The following FAM234B variants were observed in gnomAD, a reference collection of about 807,000 sequenced individuals.
FAM234B encodes the protein family with sequence similarity 234 member B.
A neutral mutation model predicts 69.3 loss-of-function variants in FAM234B; 33 were observed. The observed-to-expected ratio is 0.48, with a 90% CI of 0.36 to 0.64. The LOEUF is 0.64. Ranked by LOEUF, FAM234B falls within the 30% of genes least tolerant of loss-of-function variation. The probability of loss-of-function intolerance (pLI) is 0.00; values close to 1 mark genes in which losing one functional copy is unlikely to be tolerated. For missense variants in FAM234B, 697 were observed against 769.7 expected (o/e 0.91, Z 1.12); for synonymous variants, 306 against 306.9 (o/e 1.00, Z 0.03).
In FAM234B at chr12:13,082,699, T is replaced by C. The variant is rs1865250937; in HGVS notation, c.*2069T>C. The stretch of plus-strand genomic sequence containing the variant: ...TGGTGGTCCTGTGGTTTGGCTGAGC[T>C]GTCCGGGCATAACCTGGTTCTCTGT... On this transcript the variant is annotated 3_prime_UTR_variant, in exon 13 of 13. Coordinates refer to ENST00000197268, the MANE Select transcript of FAM234B (RefSeq NM_020853.2). The C allele has an allele frequency of 6.6e-6, 1 of 152,200 alleles. No individual in the cohort carries two copies. 9.4% of individuals were successfully genotyped at this position (152,200 alleles called of 1,614,324 possible). A position where few individuals can be genotyped will look rare whatever the true frequency, so the allele number is the denominator to read the frequency against.
At chr12:13,075,642 G>T (rs1332259840) in intron 10 of FAM234B, among the ~76,000 whole-genome samples, 1 of 147,668 alleles carries the variant, frequency 6.8e-6, no homozygotes, top group Non-Finnish European at 1.5e-5. Flanking sequence ...TTTCGGTAGG[G>T]ACAGGGTTTC....
At chr12:13,049,125 T>C (rs1190347138) in intron 1 of FAM234B, among the ~76,000 whole-genome samples, 1 of 152,224 alleles carries the variant, frequency 6.6e-6, no homozygotes, top group Admixed American at 6.5e-5. Context: ...TTCCTCATCT[T>C]GAAAGTGAAG....
rs1209377908 is a variant in FAM234B, at chr12:13,081,206, A to G, written c.*576A>G. 1 of 152,246 alleles carries G rather than the reference A, an allele frequency of 6.6e-6. No homozygotes were observed. The highest frequency in any genetic ancestry group is 2.4e-5 in the African/African-American group (1 of 41,458). The allele number at this position is 152,246 out of a possible 1,614,324, so 9.4% of individuals were successfully genotyped here. On this transcript the variant is annotated 3_prime_UTR_variant, in exon 13 of 13. Coordinates refer to ENST00000197268, the MANE Select transcript of FAM234B (RefSeq NM_020853.2). ...CTACTTCCAAATTGTAGACAGAATG[A>G]GAAAGATTTATAGTGGAAGACTGAG... is the stretch of plus-strand genomic sequence containing the variant.
At position 13,080,819 on chromosome 12, in the gene FAM234B, A is replaced by G. The variant is rs981845086; in HGVS notation, c.*189A>G. The stretch of plus-strand genomic sequence containing the variant: ...GCAGCATGATCTATTTGGCTGGGGC[A>G]TCTTACCTACCTTTTCAGTCCCTGC... On this transcript the variant is annotated 3_prime_UTR_variant, in exon 13 of 13. Transcript: ENST00000197268. The G allele has an allele frequency of 2.1e-5, 11 of 525,198 alleles. No homozygotes were observed. Among genetic ancestry groups the G allele is most frequent in the East Asian group, 9.4e-5 (3 of 31,824 alleles). 32.5% of individuals were successfully genotyped at this position (525,198 alleles called of 1,614,324 possible).
chr12:13,076,209 T>A, intron 11 of FAM234B, 66 bp downstream of exon 11: 1 of 1,206,376 alleles, frequency 8.3e-7, no homozygotes, highest in Non-Finnish European at 1.2e-6. Context: ...TGGCTGTGTG[T>A]AATGAGACCA....
Position 13,055,545 on chromosome 12 carries a change from T to G in FAM234B, c.38-6T>G, listed in dbSNP as rs1433935026. 6.3e-7 allele frequency: 1 copy of G among 1,577,164 alleles called. No homozygotes were observed. The highest frequency in any genetic ancestry group is 8.7e-7 in the Non-Finnish European group (1 of 1,155,148). On this transcript the variant is annotated splice_polypyrimidine_tract_variant and splice_region_variant and intron_variant, in intron 1 of 12. Coordinates refer to ENST00000197268, the MANE Select transcript of FAM234B (RefSeq NM_020853.2). The stretch of plus-strand genomic sequence containing the variant: ...CCCTTGACTCTCTGTTTTTCTGTAT[T>G]TTCAGGGAAGAAGAGCCCAGACCTA...
At chr12:13,073,132 A>T (rs114116577) in intron 10 of FAM234B, among the ~76,000 whole-genome samples, 35 of 150,960 alleles carry the variant, frequency 2.3e-4, no homozygotes, top group African/African-American at 8.5e-4. Flanking sequence ...TTTTAAGCAG[A>T]TGTTATCATT....
At position 13,054,636 on chromosome 12, in the gene FAM234B, A is replaced by G. The variant is rs115157128; in HGVS notation, c.38-915A>G. Among the ~76,000 whole-genome samples the G allele has an allele frequency of 6.7e-3, 1,023 of 152,348 alleles. 14 individuals are homozygous for G. Among genetic ancestry groups the G allele is most frequent in the African/African-American group, 0.024 (981 of 41,578 alleles). On this transcript the variant is annotated intron_variant, in intron 1 of 12. Coordinates refer to ENST00000197268, the MANE Select transcript of FAM234B (RefSeq NM_020853.2). The stretch of plus-strand genomic sequence containing the variant: ...ATAGAGTTTACATTAGTGATAGATT[A>G]CTGCATAAAGTCTCCCCAAAAGAAA...
chr12:13,070,208 T>A (rs1865090657), intron 9 of FAM234B, among the ~76,000 whole-genome samples: 1 of 127,876 alleles, frequency 7.8e-6, no homozygotes, highest in African/African-American at 2.8e-5. Flanking sequence ...TATATATATA[T>A]ATAAAATGAA....
chr12:13,063,034 C>T, intron 5 of FAM234B, 59 bp downstream of exon 5: 6 of 1,560,092 alleles, frequency 3.8e-6, no homozygotes, highest in Non-Finnish European at 5.3e-6. Context: ...TTTTAGTTGT[C>T]TCAGCTCCTA....
chr12:13,060,069 C>G (rs1864969182), intron 3 of FAM234B, among the ~76,000 whole-genome samples: 1 of 152,194 alleles, frequency 6.6e-6, no homozygotes, highest in Non-Finnish European at 1.5e-5. Context: ...TCCACACAGT[C>G]CTGTGAAGTA....
At chr12:13,068,843 C>A in intron 9 of FAM234B, 132 bp downstream of exon 9, 1 of 594,504 alleles carries the variant, frequency 1.7e-6, no homozygotes, top group East Asian at 2.9e-5. Context: ...CTCAAAGTCT[C>A]ATTGAGTGGA....
intron 11 of FAM234B, among the ~76,000 whole-genome samples, chr12:13,078,009 C>T (rs1233556034): frequency 6.6e-6 from 1 of 151,200 alleles, no homozygotes; most frequent in Admixed American, 6.6e-5. Flanking sequence ...TTGCATTTCT[C>T]TGATGGCCAG....
intron 2 of FAM234B, 132 bp from the exon 3 acceptor site, chr12:13,058,319 T>A: frequency 1.4e-6 from 1 of 718,350 alleles, no homozygotes; most frequent in Admixed American, 1.9e-5. Flanking sequence ...GCAGGGGGAG[T>A]AGGGAGAGGT....
chr12:13,068,018 C>T (rs1865059227), intron 7 of FAM234B, among the ~76,000 whole-genome samples: 2 of 152,226 alleles, frequency 1.3e-5, no homozygotes, highest in South Asian at 4.1e-4. Context: ...ATCCTTGGCT[C>T]TGTTGCCTTT....
rs376072530 is a variant in FAM234B, at chr12:13,055,758, A to C, written c.245A>C (p.Tyr82Ser). ...CTTTCAGAAGTCACCACGGAGGGCT[A>C]CCCCTCAGAACCCCTTGGGGGCCTG... is the stretch of plus-strand genomic sequence containing the variant. Reference protein sequence around the residue: ...PHLSEVTTEGYPSEPLGGLEQ... With the variant: ...PHLSEVTTEGSPSEPLGGLEQ... The change falls in exon 2 of 13, where the codon TAC becomes TCC. Residue 82 changes from tyrosine to serine, a missense_variant. Physicochemically the swap from Tyr to Ser is moderately radical, Grantham distance 144. Coordinates refer to ENST00000197268, the MANE Select transcript of FAM234B (RefSeq NM_020853.2). The C allele has an allele frequency of 1.9e-5, 30 of 1,613,986 alleles. No homozygotes were observed. The highest frequency in any genetic ancestry group is 2.4e-5 in the Non-Finnish European group (28 of 1,180,002).
In FAM234B at chr12:13,081,480, T is replaced by C. The variant is rs1865225438; in HGVS notation, c.*850T>C. ...TGTATGTTTGCATGCTGTCTTCAAC[T>C]TAGAGGAGAACTGGAAGTCAGGAGC... On this transcript the variant is annotated 3_prime_UTR_variant, in exon 13 of 13. Transcript: ENST00000197268. The C allele has an allele frequency of 6.6e-6, 1 of 152,264 alleles. No individual in the cohort carries two copies. The highest frequency in any genetic ancestry group is 2.4e-5 in the African/African-American group (1 of 41,458). 9.4% of individuals were successfully genotyped at this position (152,264 alleles called of 1,614,324 possible).
Position 13,044,610 on chromosome 12 carries a change from A to T in FAM234B, c.37+170A>T, listed in dbSNP as rs565474745. 6.6e-6 allele frequency among the ~76,000 whole-genome samples: 1 copy of T among 152,280 alleles called. No homozygotes were observed. Among genetic ancestry groups the T allele is most frequent in the Admixed American group, 6.5e-5 (1 of 15,300 alleles). ...TTGGGGCTGGGGTCTCTGTGCCACC[A>T]GAGGGCGAGAGGGGCGCCCAGCGGG... On this transcript the variant is annotated intron_variant, in intron 1 of 12. Coordinates refer to ENST00000197268, the MANE Select transcript of FAM234B (RefSeq NM_020853.2). The surrounding 1 kb of genome is among the most constrained non-coding windows in gnomAD (Gnocchi z 5.6).
chr12:13,070,027 CATTACTT>C, intron 9 of FAM234B, among the ~76,000 whole-genome samples: 1 of 152,002 alleles, frequency 6.6e-6, no homozygotes, highest in East Asian at 1.9e-4. Flanking sequence ...ATCCTGACAC[CATTACTT>C]ATTGGAGACC....
Sources: allele counts gnomAD v4.1 joint callset (sites outside exome capture counted in the v4.1 genomes callset), GRCh38; gene constraint gnomAD v4.1.1; non-coding constraint Gnocchi (gnomAD v3.1); transcripts MANE v1.5; gene names NCBI Gene and HGNC (gene_info 2026-07-23, HGNC 2026-07-21).